PIP5K1B: variants seen among roughly 807,000 people sequenced by gnomAD.
PIP5K1B encodes the protein phosphatidylinositol-4-phosphate 5-kinase type 1 beta, also known as phosphatidylinositol 4-phosphate 5-kinase type-1 beta.
PIP5K1B carries 42 observed loss-of-function variants against 67.0 expected under a neutral mutation model. The ratio of observed to expected loss-of-function variants is 0.63; its 90% CI spans 0.49 to 0.81. The LOEUF (loss-of-function observed/expected upper bound fraction) is 0.81, where lower values mean the gene tolerates loss of function less well. Among genes scored for constraint, PIP5K1B ranks in the 30% least tolerant of loss-of-function variants. PIP5K1B has a pLI of 0.00. For synonymous variants in PIP5K1B, 214 were observed against 231.4 expected, an observed-to-expected ratio of 0.92 and a Z score of 0.68; for missense variants, 459 against 646.3, an observed-to-expected ratio of 0.71 and a Z score of 3.14.
intron 4 of PIP5K1B, among the ~76,000 whole-genome samples, chr9:68,842,187 A>G (rs2132158654): frequency 6.6e-6 from 1 of 152,292 alleles, no homozygotes; most frequent in East Asian, 1.9e-4. Context: ...CCCGGCTTTC[A>G]TCTGCTGTGG....
At chr9:68,959,324 ATAT>A (rs1765851510) in intron 14 of PIP5K1B, among the ~76,000 whole-genome samples, 1 of 152,238 alleles carries the variant, frequency 6.6e-6, no homozygotes, top group South Asian at 2.1e-4. Context: ...TACATTATAC[ATAT>A]TTCTATGGAA....
chr9:68,762,371 A>C (rs896526298), intron 2 of PIP5K1B, among the ~76,000 whole-genome samples: 11 of 152,122 alleles, frequency 7.2e-5, no homozygotes, highest in Non-Finnish European at 1.5e-4. Context: ...TAATGCCCAT[A>C]GTGAACATGC....
chr9:68,891,518 A>G (rs750585576), intron 7 of PIP5K1B, among the ~76,000 whole-genome samples: 11 of 152,052 alleles, frequency 7.2e-5, no homozygotes, highest in Non-Finnish European at 1.3e-4. Flanking sequence ...CCAAAAGTTC[A>G]CATGATAGCT....
intron 8 of PIP5K1B, among the ~76,000 whole-genome samples, chr9:68,914,183 TA>T (rs546319588): frequency 3.9e-5 from 6 of 152,038 alleles, no homozygotes; most frequent in Non-Finnish European, 5.9e-5. Context: ...AGCATTTTTT[TA>T]AAAAAAACAA....
chr9:68,952,872 T>A (rs1361023075), intron 14 of PIP5K1B, among the ~76,000 whole-genome samples: 2 of 149,624 alleles, frequency 1.3e-5, no homozygotes, highest in East Asian at 3.9e-4. Flanking sequence ...TCTTTCTTCC[T>A]ATTATTATTA....
intron 2 of PIP5K1B, among the ~76,000 whole-genome samples, chr9:68,775,759 C>T (rs1032124299): frequency 1.3e-5 from 2 of 152,144 alleles, no homozygotes; most frequent in Non-Finnish European, 2.9e-5. Context: ...TTGGTTTTGG[C>T]TGTTTGGGGA....
intron 2 of PIP5K1B, among the ~76,000 whole-genome samples, chr9:68,777,341 C>T (rs61453631): frequency 0.057 from 8,604 of 152,178 alleles, 497 homozygotes; most frequent in African/African-American, 0.15. Context: ...AAGGTCTTTC[C>T]CTTGTAGAGC....
At chr9:68,846,128 C>T (rs1330803502) in intron 4 of PIP5K1B, among the ~76,000 whole-genome samples, 2 of 152,150 alleles carry the variant, frequency 1.3e-5, no homozygotes, top group Non-Finnish European at 2.9e-5. Flanking sequence ...TAAAATATCT[C>T]AATGGAAGTC....
intron 2 of PIP5K1B, among the ~76,000 whole-genome samples, chr9:68,777,275 AG>A (rs1441085559): frequency 6.6e-6 from 1 of 152,224 alleles, no homozygotes; most frequent in Non-Finnish European, 1.5e-5. Context: ...GTACTTACTC[AG>A]TACAATGTGC....
At chr9:68,988,715 T>G (rs1398738609) in intron 14 of PIP5K1B, among the ~76,000 whole-genome samples, 1 of 152,120 alleles carries the variant, frequency 6.6e-6, no homozygotes, top group East Asian at 1.9e-4. Flanking sequence ...CCTCCCAAAG[T>G]GCTGGGATTA....
intron 14 of PIP5K1B, among the ~76,000 whole-genome samples, chr9:68,956,154 G>A (rs1173662762): frequency 6.6e-6 from 1 of 152,178 alleles, no homozygotes; most frequent in Non-Finnish European, 1.5e-5. Flanking sequence ...CATTATGAAT[G>A]TACTCTCAAA....
In PIP5K1B at chr9:68,940,633, C is replaced by G; in HGVS notation, c.1358-13C>G. 7 of 1,612,340 alleles carry G rather than the reference C, an allele frequency of 4.3e-6. No individual in the cohort carries two copies. The highest frequency in any genetic ancestry group is 5.9e-6 in the Non-Finnish European group (7 of 1,178,846). On this transcript the variant is annotated splice_polypyrimidine_tract_variant and intron_variant, in intron 13 of 15. Coordinates refer to ENST00000265382, the MANE Select transcript of PIP5K1B (RefSeq NM_003558.4). ...TTGAGATTCATGAATGTGTGTGTTG[C>G]TTTCGTTCCTAGCCCTGGGATCCCG...
intron 2 of PIP5K1B, among the ~76,000 whole-genome samples, chr9:68,770,971 T>C (rs565337979): frequency 6.6e-6 from 1 of 152,308 alleles, no homozygotes; most frequent in East Asian, 1.9e-4. Context: ...TTGAGAGATA[T>C]CAGCATATCG....
At chr9:68,903,601 C>T (rs1825468820) in intron 8 of PIP5K1B, among the ~76,000 whole-genome samples, 1 of 152,176 alleles carries the variant, frequency 6.6e-6, no homozygotes, top group Non-Finnish European at 1.5e-5. Context: ...CCGCTTGCTG[C>T]AGCTTAGTTC....
chr9:68,842,715 C>G (rs1336316648), intron 4 of PIP5K1B, among the ~76,000 whole-genome samples: 1 of 152,164 alleles, frequency 6.6e-6, no homozygotes. Context: ...CTACAGGCAC[C>G]ATTTGTAAAG....
At position 68,902,917 on chromosome 9, in the gene PIP5K1B, A is replaced by G. The variant is rs73647029; in HGVS notation, c.771+8279A>G. ...TGGGGATATAGAAAAGAGTGGTGAA[A>G]AGAAAGCGGAAAAACTCAGTGGTTA... On this transcript the variant is annotated intron_variant, in intron 8 of 15. Coordinates refer to ENST00000265382, the MANE Select transcript of PIP5K1B (RefSeq NM_003558.4). Among the ~76,000 whole-genome samples, 1,042 of 152,328 alleles carry G rather than the reference A, an allele frequency of 6.8e-3. 18 individuals carry two copies. Among genetic ancestry groups the G allele is most frequent in the African/African-American group, 0.024 (989 of 41,574 alleles).
intron 6 of PIP5K1B, among the ~76,000 whole-genome samples, chr9:68,878,065 C>T (rs1285258724): frequency 7.5e-6 from 1 of 133,646 alleles, no homozygotes; most frequent in African/African-American, 2.6e-5. Context: ...TAGAGAACAC[C>T]CTTTGGTTTC....
rs370156080 is a variant in PIP5K1B at position 68,799,196 on chromosome 9, C to T, written c.-85-19265C>T. 7.2e-5 allele frequency among the ~76,000 whole-genome samples: 11 copies of T among 152,150 alleles called. No individual in the cohort carries two copies. The East Asian group carries it at 1.3e-3, about 19-fold the overall frequency. On this transcript the variant is annotated intron_variant, in intron 2 of 15. Transcript: ENST00000265382. Reference sequence around the variant, plus strand: ...TTATATTTGAGATAAGCACACCTTCCATCAATATGTTGGCTGTAATTTTAA... The same window carrying T: ...TTATATTTGAGATAAGCACACCTTCTATCAATATGTTGGCTGTAATTTTAA...
chr9:68,934,474 G>T (rs777766338), intron 12 of PIP5K1B, among the ~76,000 whole-genome samples: 2 of 152,164 alleles, frequency 1.3e-5, no homozygotes, highest in Non-Finnish European at 2.9e-5. Flanking sequence ...AATAAAACCA[G>T]GGTCGTGAGA....
Sources: allele counts gnomAD v4.1 joint callset (sites outside exome capture counted in the v4.1 genomes callset), GRCh38; gene constraint gnomAD v4.1.1; transcripts MANE v1.5; gene names NCBI Gene and HGNC (gene_info 2026-07-23, HGNC 2026-07-21).